Variants in CEP128 observed in about 807,000 individuals in gnomAD.
The protein encoded by CEP128 is centrosomal protein 128kDa.
Under a neutral mutation model 156.7 loss-of-function variants are expected in CEP128, and 132 were observed. That is an observed-to-expected ratio of 0.84 (90% confidence interval 0.73 to 0.97). The LOEUF (loss-of-function observed/expected upper bound fraction) is 0.97, where lower values mean the gene tolerates loss of function less well. CEP128 is among the 50% of genes least tolerant of loss of function. CEP128 has a pLI of 0.00. For synonymous variants in CEP128, 469 were observed against 448.9 expected (o/e 1.04, Z -0.57); for missense variants, 1,252 against 1,281.9 (o/e 0.98, Z 0.36).
intron 19 of CEP128, among the ~76,000 whole-genome samples, chr14:80,734,032 C>T (rs921908739): frequency 2.0e-5 from 3 of 152,140 alleles, no homozygotes; most frequent in Non-Finnish European, 4.4e-5. Flanking sequence ...TTCATAAATG[C>T]TGTTCCCTCT....
At chr14:80,492,219 T>A (rs1594905477), downstream of CEP128, among the ~76,000 whole-genome samples, 2 of 152,188 alleles carry the variant, frequency 1.3e-5, no homozygotes, top group East Asian at 3.8e-4. Flanking sequence ...ATGAATAGGT[T>A]CTCTGATATA....
chr14:80,888,795 G>C (rs1410731304), intron 8 of CEP128, among the ~76,000 whole-genome samples: 1 of 152,178 alleles, frequency 6.6e-6, no homozygotes, highest in Non-Finnish European at 1.5e-5. Context: ...TCAGGCAAGA[G>C]AAATAAATAA....
chr14:80,883,672 C>A (rs1288817027), intron 8 of CEP128, among the ~76,000 whole-genome samples: 1 of 152,012 alleles, frequency 6.6e-6, no homozygotes, highest in African/African-American at 2.4e-5. Context: ...CTACCCAAAG[C>A]AATCTACAGA....
chr14:80,904,730 C>T, intron 6 of CEP128, 83 bp downstream of exon 6: 2 of 825,864 alleles, frequency 2.4e-6, no homozygotes, highest in South Asian at 2.9e-5. Flanking sequence ...AAAATATAGC[C>T]TTAAAGTTCA....
intron 20 of CEP128, among the ~76,000 whole-genome samples, chr14:80,561,789 T>A (rs1468846021): frequency 6.6e-6 from 1 of 152,082 alleles, no homozygotes; most frequent in Non-Finnish European, 1.5e-5. Flanking sequence ...TGTGTATGAG[T>A]ACCTTCATTT....
At chr14:80,887,691 C>T (rs565929290) in intron 8 of CEP128, among the ~76,000 whole-genome samples, 2 of 152,042 alleles carry the variant, frequency 1.3e-5, no homozygotes, top group South Asian at 2.1e-4. Context: ...GACCTAAAAT[C>T]GATACCCTAA....
intron 8 of CEP128, among the ~76,000 whole-genome samples, chr14:80,881,553 A>G (rs1313216551): frequency 6.6e-6 from 1 of 152,220 alleles, no homozygotes; most frequent in Admixed American, 6.5e-5. Context: ...GAAGAGTAAT[A>G]GAGTAATATT....
At chr14:80,681,766 C>A (rs564576178) in intron 19 of CEP128, among the ~76,000 whole-genome samples, 1 of 152,186 alleles carries the variant, frequency 6.6e-6, no homozygotes. Flanking sequence ...TCAATTAAAT[C>A]TCTTTTCTTT....
chr14:80,842,015 T>C (rs915065115), intron 9 of CEP128, among the ~76,000 whole-genome samples: 5 of 152,020 alleles, frequency 3.3e-5, no homozygotes, highest in Non-Finnish European at 1.5e-5. Flanking sequence ...GAAACTCTAA[T>C]TCTCTTGGAT....
intron 8 of CEP128, among the ~76,000 whole-genome samples, chr14:80,871,949 G>C (rs1888050086): frequency 1.3e-5 from 2 of 152,050 alleles, no homozygotes; most frequent in Admixed American, 6.6e-5. Context: ...AACAATACCT[G>C]GTGCTTCAAA....
intron 19 of CEP128, among the ~76,000 whole-genome samples, chr14:80,591,070 C>T (rs976247432): frequency 6.6e-6 from 1 of 152,072 alleles, no homozygotes; most frequent in Non-Finnish European, 1.5e-5. Context: ...ATAGTAAAGA[C>T]CATCAACACT....
intron 2 of CEP128, among the ~76,000 whole-genome samples, chr14:80,934,626 T>G (rs533525376): frequency 6.6e-6 from 1 of 152,320 alleles, no homozygotes; most frequent in African/African-American, 2.4e-5. Context: ...AGTGTCTGAG[T>G]GTCCGGCACA....
chr14:80,721,448 C>T (rs1303797669), intron 19 of CEP128, among the ~76,000 whole-genome samples: 1 of 152,134 alleles, frequency 6.6e-6, no homozygotes, highest in African/African-American at 2.4e-5. Context: ...GGGTAAAATA[C>T]ATGCCGGATT....
At chr14:80,891,980 A>T (rs1889122971) in intron 8 of CEP128, among the ~76,000 whole-genome samples, 1 of 152,010 alleles carries the variant, frequency 6.6e-6, no homozygotes, top group Non-Finnish European at 1.5e-5. Flanking sequence ...AATATTCTTA[A>T]ATTATCCATA....
At position 80,529,222 on chromosome 14, in the gene CEP128, T is replaced by C. The variant is rs544273050; in HGVS notation, c.2958+1587A>G. On this transcript the variant is annotated intron_variant, in intron 22 of 24. Coordinates refer to ENST00000555265, the MANE Select transcript of CEP128 (RefSeq NM_152446.5). ...AGCACCTGCTAAGTATCATGCACTG[T>C]GTGCATAACACTTGCTAATTAACTC... Among the ~76,000 whole-genome samples the C allele has an allele frequency of 2.6e-5, 4 of 152,328 alleles. No individual in the cohort carries two copies. In the South Asian group the frequency reaches 8.3e-4, roughly 32 times the overall value.
At position 80,665,421 on chromosome 14, in the gene CEP128, A is replaced by C. The variant is rs191792642; in HGVS notation, c.2806+77654T>G. Among the ~76,000 whole-genome samples the C allele has an allele frequency of 1.9e-4, 29 of 152,324 alleles. No homozygotes were observed. The East Asian group carries it at 5.2e-3, about 27-fold the overall frequency. The stretch of plus-strand genomic sequence containing the variant: ...AAGGGAAAAGAGGAATGCTGGATTT[A>C]ATTGACTATCCCAGCTTCAGCTCTA... On this transcript the variant is annotated intron_variant, in intron 19 of 24. Transcript: ENST00000555265.
intron 19 of CEP128, among the ~76,000 whole-genome samples, chr14:80,697,531 G>T (rs1455201003): frequency 6.6e-6 from 1 of 151,942 alleles, no homozygotes; most frequent in Admixed American, 6.6e-5. Context: ...CCTCACAATT[G>T]ATTTTATTCT....
downstream of CEP128, among the ~76,000 whole-genome samples, chr14:80,485,881 T>C (rs1172247684): frequency 2.0e-5 from 3 of 152,224 alleles, no homozygotes; most frequent in African/African-American, 4.8e-5. Context: ...AATGCATGTG[T>C]ATATTCATGT....
At chr14:80,690,642 A>T (rs1200682306) in intron 19 of CEP128, among the ~76,000 whole-genome samples, 1 of 152,174 alleles carries the variant, frequency 6.6e-6, no homozygotes, top group Non-Finnish European at 1.5e-5. Context: ...AAATTTCAAA[A>T]TAGTGTATAA....
Sources: allele counts gnomAD v4.1 joint callset (sites outside exome capture counted in the v4.1 genomes callset), GRCh38; gene constraint gnomAD v4.1.1; transcripts MANE v1.5; gene names NCBI Gene and HGNC (gene_info 2026-07-23, HGNC 2026-07-21).